JAKMIP2: variants seen among roughly 807,000 people sequenced by gnomAD.
JAKMIP2 encodes janus kinase and microtubule interacting protein 2, also known as janus kinase and microtubule-interacting protein 2.
A neutral mutation model predicts 115.0 loss-of-function variants in JAKMIP2; 25 were observed. The ratio of observed to expected loss-of-function variants is 0.22; its 90% CI spans 0.16 to 0.30. The LOEUF is 0.30. JAKMIP2 is among the 10% of genes least tolerant of loss of function. The pLI is 1.00. For synonymous variants in JAKMIP2, 334 were observed against 343.6 expected (o/e 0.97, Z 0.31); for missense variants, 642 against 957.6 (o/e 0.67, Z 4.35).
At chr5:147,595,314 G>T in intron 21 of JAKMIP2, 1 of 362,758 alleles carries the variant, frequency 2.8e-6, no homozygotes, top group Non-Finnish European at 5.6e-6. Context: ...CTTTTAGGAG[G>T]TTATTAGGCC....
chr5:147,606,163 C>T (rs1266000009), intron 20 of JAKMIP2, among the ~76,000 whole-genome samples: 1 of 152,006 alleles, frequency 6.6e-6, no homozygotes, highest in Non-Finnish European at 1.5e-5. Flanking sequence ...GTTTTTTTTG[C>T]TGTGCAGATG....
intron 1 of JAKMIP2, among the ~76,000 whole-genome samples, chr5:147,698,631 G>A (rs1355430189): frequency 6.6e-6 from 1 of 152,052 alleles, no homozygotes; most frequent in Non-Finnish European, 1.5e-5. Flanking sequence ...AAGATCTGAT[G>A]GTCTTATTAG....
In JAKMIP2 at chr5:147,764,365, G is replaced by T. The variant is rs552494494; in HGVS notation, c.-149+18091C>A. Among the ~76,000 whole-genome samples, 3 of 152,068 alleles carry T rather than the reference G, an allele frequency of 2.0e-5. No individual in the cohort carries two copies. The South Asian group carries it at 6.2e-4, about 32-fold the overall frequency. On this transcript the variant is annotated intron_variant, in intron 1 of 21. Transcript: ENST00000616793. ...TATGACAGGAATTCAGACAAGGGAG[G>T]TCTGAATGTGCTGGGCTACTCTGCC...
intron 1 of JAKMIP2, among the ~76,000 whole-genome samples, chr5:147,765,833 GAC>G (rs1400045466): frequency 6.6e-6 from 1 of 151,858 alleles, no homozygotes; most frequent in Non-Finnish European, 1.5e-5. Flanking sequence ...AATTTTAATA[GAC>G]ACAGTGTTTT....
chr5:147,631,555 G>T, intron 13 of JAKMIP2, 44 bp from the exon 14 acceptor site: 1 of 1,268,554 alleles, frequency 7.9e-7, no homozygotes, highest in Non-Finnish European at 1.1e-6. Flanking sequence ...AAACAAAACT[G>T]ATTAATTAAA....
chr5:147,617,873 G>A, intron 19 of JAKMIP2, 38 bp downstream of exon 19: 10 of 1,559,488 alleles, frequency 6.4e-6, no homozygotes, highest in Non-Finnish European at 8.8e-6. Context: ...CCATTTGCTA[G>A]TACTAACCCT....
chr5:147,639,963 A>G (rs1434046712), intron 9 of JAKMIP2, among the ~76,000 whole-genome samples: 4 of 152,218 alleles, frequency 2.6e-5, no homozygotes, highest in Admixed American at 2.6e-4. Flanking sequence ...AAATACATAA[A>G]TATTTATTTT....
intron 20 of JAKMIP2, among the ~76,000 whole-genome samples, chr5:147,606,933 G>A (rs1219929169): frequency 3.3e-5 from 5 of 152,100 alleles, no homozygotes; most frequent in African/African-American, 9.7e-5. Flanking sequence ...TATTCTCCTT[G>A]TAGCAATTGT....
intron 1 of JAKMIP2, among the ~76,000 whole-genome samples, chr5:147,702,379 A>G (rs1288115954): frequency 6.7e-6 from 1 of 149,982 alleles, no homozygotes; most frequent in Non-Finnish European, 1.5e-5. Flanking sequence ...GTGCACCAAC[A>G]TCTCAGAAAT....
At chr5:147,651,636 C>T (rs190556382) in intron 3 of JAKMIP2, among the ~76,000 whole-genome samples, 8 of 151,960 alleles carry the variant, frequency 5.3e-5, no homozygotes, top group Admixed American at 4.6e-4. Context: ...AAAAAAAAAA[C>T]CTGCAACAGA....
intron 19 of JAKMIP2, among the ~76,000 whole-genome samples, chr5:147,613,940 G>C (rs1756449807): frequency 6.6e-6 from 1 of 152,170 alleles, no homozygotes; most frequent in Non-Finnish European, 1.5e-5. Flanking sequence ...ATACGTGTAT[G>C]ATTTGTGTGC....
At chr5:147,754,054 A>G (rs996117528) in intron 1 of JAKMIP2, among the ~76,000 whole-genome samples, 1 of 152,120 alleles carries the variant, frequency 6.6e-6, no homozygotes, top group Admixed American at 6.6e-5. Context: ...AAGATATTAA[A>G]TGCTTCTCCT....
intron 11 of JAKMIP2, 45 bp from the exon 12 acceptor site, chr5:147,636,329 C>A (rs6580491): frequency 7.2e-6 from 11 of 1,519,462 alleles, no homozygotes; most frequent in African/African-American, 4.1e-5. Flanking sequence ...CAGAGTGGCA[C>A]GAAAGAGCCT....
intron 1 of JAKMIP2, among the ~76,000 whole-genome samples, chr5:147,732,890 C>T (rs1753787421): frequency 6.6e-6 from 1 of 152,162 alleles, no homozygotes; most frequent in Admixed American, 6.5e-5. Context: ...TATCTAACAC[C>T]ATTCTGCCAT....
chr5:147,672,726 G>C (rs768461461), intron 1 of JAKMIP2, among the ~76,000 whole-genome samples: 2 of 152,162 alleles, frequency 1.3e-5, no homozygotes, highest in East Asian at 3.9e-4. Flanking sequence ...AGAAGACACC[G>C]TTGGCTTGGA....
At chr5:147,668,372 G>T (rs150493566) in intron 2 of JAKMIP2, among the ~76,000 whole-genome samples, 207 of 152,320 alleles carry the variant, frequency 1.4e-3, no homozygotes, top group African/African-American at 4.7e-3. Flanking sequence ...GGTGTCCATA[G>T]AAGAGACAAA....
At position 147,623,699 on chromosome 5, in the gene JAKMIP2, T is replaced by C; in HGVS notation, c.1996-10A>G. On this transcript the variant is annotated splice_polypyrimidine_tract_variant and intron_variant, in intron 16 of 21. Coordinates refer to ENST00000616793, the MANE Select transcript of JAKMIP2 (RefSeq NM_001270941.2). ...CAATCTGCTGGATCCACTAAGGGGTTAACAAGACAAAAGTGTTTGACATGG... is the reference window on the plus strand; with the variant it reads ...CAATCTGCTGGATCCACTAAGGGGTCAACAAGACAAAAGTGTTTGACATGG... 6.2e-7 allele frequency: 1 copy of C among 1,600,352 alleles called. No individual in the cohort carries two copies. Among genetic ancestry groups the C allele is most frequent in the Non-Finnish European group, 8.6e-7 (1 of 1,167,460 alleles).
rs567886286 is a variant in JAKMIP2 at position 147,658,840 on chromosome 5, C to T, written c.627+2108G>A. Among the ~76,000 whole-genome samples, 6 of 152,238 alleles carry T rather than the reference C, an allele frequency of 3.9e-5. No homozygotes were observed. In the South Asian group the frequency reaches 1.2e-3, roughly 32 times the overall value. ...CGCCTTAGCACAGTCAGGGGAAAACCACCAACTAAAGCCACAGTAATGACG... is the reference window on the plus strand; with the variant it reads ...CGCCTTAGCACAGTCAGGGGAAAACTACCAACTAAAGCCACAGTAATGACG... On this transcript the variant is annotated intron_variant, in intron 3 of 21. Transcript: ENST00000616793.
intron 1 of JAKMIP2, among the ~76,000 whole-genome samples, chr5:147,685,959 G>C (rs1050747935): frequency 1.3e-5 from 2 of 152,150 alleles, no homozygotes; most frequent in African/African-American, 4.8e-5. Context: ...GCAAAACACA[G>C]AATTCAGTGA....
Sources: allele counts gnomAD v4.1 joint callset (sites outside exome capture counted in the v4.1 genomes callset), GRCh38; gene constraint gnomAD v4.1.1; transcripts MANE v1.5; gene names NCBI Gene and HGNC (gene_info 2026-07-23, HGNC 2026-07-21).